The following APOB variants were observed in gnomAD, a reference collection of about 807,000 sequenced individuals.
APOB encodes the protein apolipoprotein B.
Under a neutral mutation model 314.1 loss-of-function variants are expected in APOB, and 153 were observed. The observed-to-expected ratio is 0.49, with a 90% CI of 0.43 to 0.56. The LOEUF is 0.56. APOB is among the 20% of genes least tolerant of loss of function. APOB has a pLI of 0.00. For synonymous variants in APOB, 2,087 were observed against 2,036.4 expected, an observed-to-expected ratio of 1.02 and a Z score of -0.67; for missense variants, 5,430 against 5,350.7, an observed-to-expected ratio of 1.01 and a Z score of -0.46.
Position 21,025,117 on chromosome 2 carries a change from A to G in APOB, c.2252T>C (p.Val751Ala), listed in dbSNP as rs1416453009. Residue 751 changes from valine (V) to alanine (A), a missense_variant, in exon 16 of 29, where the codon GTA becomes GCA. This residue lies in a region of APOB where 2,085 missense variants were observed against 2,079.7 expected (regional missense o/e 1.00). Transcript: ENST00000233242. ...CTCAACACTGAGCATTATTCCATTT[A>G]CCATATCCTGAGAGTTTAGTAATAA... The part of the protein sequence containing the change: ...TKDDKHEQDM[V>A]NGIMLSVEKL... 1 of 1,614,032 alleles carries G rather than the reference A, an allele frequency of 6.2e-7. No individual in the cohort carries two copies. The highest frequency in any genetic ancestry group is 1.7e-5 in the Admixed American group (1 of 60,024).
chr2:21,036,512 G>T (rs945345751), intron 6 of APOB, among the ~76,000 whole-genome samples: 3 of 152,146 alleles, frequency 2.0e-5, no homozygotes, highest in Non-Finnish European at 4.4e-5. Flanking sequence ...GGCAGGCTCA[G>T]GTAATATGGT....
At chr2:21,041,871 T>C (rs1251951015) in intron 3 of APOB, among the ~76,000 whole-genome samples, 2 of 152,212 alleles carry the variant, frequency 1.3e-5, no homozygotes, top group Non-Finnish European at 2.9e-5. Flanking sequence ...GTATGTAACA[T>C]GAGTACAACC....
In APOB at chr2:21,012,289, G is replaced by C; in HGVS notation, c.4579C>G (p.Leu1527Val). The change falls in exon 26 of 29, where the codon CTC becomes GTC. Residue 1527 changes from leucine to valine, a missense_variant. Coordinates refer to ENST00000233242, the MANE Select transcript of APOB (RefSeq NM_000384.3). Reference protein sequence around the residue: ...ESNLRFNSSYLQGTNQITGRY... With the variant: ...ESNLRFNSSYVQGTNQITGRY... ...CCTGTTATCTGGTTGGTGCCTTGGA[G>C]GTAGGAGGAGTTAAACCTCAGGTTG... 1 of 1,614,112 alleles carries C rather than the reference G, an allele frequency of 6.2e-7. No homozygotes were observed. Among genetic ancestry groups the C allele is most frequent in the South Asian group, 1.1e-5 (1 of 91,066 alleles).
rs1662976785 is a variant in APOB, at chr2:21,001,563, C to T, written c.*167G>A. 3.1e-6 allele frequency: 2 copies of T among 638,964 alleles called. No homozygotes were observed. Among genetic ancestry groups the T allele is most frequent in the Admixed American group, 6.5e-5 (2 of 30,626 alleles). The allele number at this position is 638,964 out of a possible 1,614,324, so 39.6% of individuals were successfully genotyped here. ...TCAGAGACCTTCCGAGCCCTGGTGC[C>T]AGCTTTGGTGCAGGTCCAGTTCATA... On this transcript the variant is annotated 3_prime_UTR_variant, in exon 29 of 29. Transcript: ENST00000233242.
intron 22 of APOB, 31 bp downstream of exon 22, chr2:21,015,339 G>A: frequency 3.7e-6 from 6 of 1,613,892 alleles, no homozygotes; most frequent in Non-Finnish European, 5.1e-6. Context: ...CATTACTTTG[G>A]AAGTGCTCAC....
At position 21,002,896 on chromosome 2, in the gene APOB, C is replaced by T; in HGVS notation, c.12526G>A (p.Val4176Ile). Residue 4176 changes from valine (V) to isoleucine (I), a missense_variant, in exon 29 of 29, where the codon GTA (valine) becomes ATA (isoleucine). Transcript: ENST00000233242. ...GLKDNVFDGL[V>I]RVTQEFHMKV... ...ATATGGAATTCTTGAGTAACTCGTACCAAGCCATCAAACACGTTATCCTTG... is the reference window on the plus strand; with the variant it reads ...ATATGGAATTCTTGAGTAACTCGTATCAAGCCATCAAACACGTTATCCTTG... 1.2e-6 allele frequency: 2 copies of T among 1,613,708 alleles called. No individual in the cohort carries two copies. Among genetic ancestry groups the T allele is most frequent in the South Asian group, 1.1e-5 (1 of 91,032 alleles).
In APOB at chr2:21,044,016, G is replaced by A. The variant is rs886055597; in HGVS notation, c.-71C>T. 233 of 829,770 alleles carry A rather than the reference G, an allele frequency of 2.8e-4. 1 individual carries two copies. Among genetic ancestry groups the A allele is most frequent in the Middle Eastern group, 1.3e-3 (3 of 2,268 alleles). The allele number at this position is 829,770 out of a possible 1,614,324, so 51.4% of individuals were successfully genotyped here. On this transcript the variant is annotated 5_prime_UTR_variant, in exon 1 of 29. Transcript: ENST00000233242. ...CCTCGCGGCCCTGGCTGGCTGGGCG[G>A]GCTCCTCAGCGGCAGCAACCGAGAA...
Position 21,027,943 on chromosome 2 carries a change from G to C in APOB, c.1952C>G (p.Ala651Gly). The C allele has an allele frequency of 6.2e-7, 1 of 1,613,956 alleles. No individual in the cohort carries two copies. The highest frequency in any genetic ancestry group is 2.2e-5 in the East Asian group (1 of 44,886). ...AAGATTCCCTTCTATTTTGGCTGAG[G>C]CTGGGTCAAGTGATGGAAGAGAAAC... is the stretch of plus-strand genomic sequence containing the variant. ...KSVSLPSLDPASAKIEGNLIF... is the reference protein window; with the variant it reads ...KSVSLPSLDPGSAKIEGNLIF... The change falls in exon 14 of 29, where the codon GCC (alanine) becomes GGC (glycine). Residue 651 changes from alanine to glycine, a missense_variant. Ala to Gly is a moderately conservative substitution (Grantham distance 60). Coordinates refer to ENST00000233242, the MANE Select transcript of APOB (RefSeq NM_000384.3).
At chr2:21,027,765 G>C (rs1420340070) in intron 14 of APOB, 63 bp downstream of exon 14, 2 of 1,304,138 alleles carry the variant, frequency 1.5e-6, no homozygotes, top group Admixed American at 3.4e-5. Flanking sequence ...CTGGCTCCCA[G>C]GGACTCTCTG....
In APOB at chr2:21,027,849, A is replaced by G; in HGVS notation, c.2046T>C (p.Phe682=). The G allele has an allele frequency of 6.2e-7, 1 of 1,613,962 alleles. No homozygotes were observed. Among genetic ancestry groups the G allele is most frequent in the Non-Finnish European group, 8.5e-7 (1 of 1,179,804 alleles). Residue 682 remains phenylalanine, a synonymous_variant, in exon 14 of 29, where the codon TTT becomes TTC. Transcript: ENST00000233242. ...TTACCTCGATGAGGTCAGCTGAAGC[A>G]AATCCAAAGGCAGTGAGGGTAGTTT... ...MLKTTLTAFG[F]ASADLIEIGL...
In APOB at chr2:21,019,008, A is replaced by G. The variant is rs1033453580; in HGVS notation, c.3105T>C (p.Phe1035=). 2 of 1,614,044 alleles carry G rather than the reference A, an allele frequency of 1.2e-6. No individual in the cohort carries two copies. The highest frequency in any genetic ancestry group is 3.3e-5 in the Admixed American group (2 of 60,014). Residue 1035 remains phenylalanine (F), a synonymous_variant, in exon 20 of 29, where the codon TTT becomes TTC. Transcript: ENST00000233242. ...AATACTCACCTTCTGCTTGAGTTAC[A>G]AACTTCAGGGTATCCACCAAGGCTC... The part of the protein sequence containing the change: ...EDRALVDTLK[F]VTQAEGAKQT...
Position 21,012,238 on chromosome 2 carries a change from G to A in APOB, c.4630C>T (p.Leu1544Phe). 2 of 1,610,896 alleles carry A rather than the reference G, an allele frequency of 1.2e-6. No individual in the cohort carries two copies. The highest frequency in any genetic ancestry group is 1.7e-6 in the Non-Finnish European group (2 of 1,177,504). The change falls in exon 26 of 29, where the codon CTC (leucine) becomes TTC (phenylalanine). Residue 1544 changes from leucine to phenylalanine, a missense_variant. Leu to Phe is a conservative substitution (Grantham distance 22). Around this residue, in one of 3 missense-constraint regions of APOB, gnomAD observed 2,085 missense variants for 2,079.7 expected, o/e 1.00. Transcript: ENST00000233242. Reference protein sequence around the residue: ...TGRYEDGTLSLTSTSDLQSGI... With the variant: ...TGRYEDGTLSFTSTSDLQSGI... ...CTTTGCAGATCAGAGGTGGAGGTGA[G>A]GGAGAGGGTTCCATCTTCATATCTT... is the stretch of plus-strand genomic sequence containing the variant.
chr2:21,014,867 G>T (rs866083271), intron 23 of APOB, among the ~76,000 whole-genome samples: 1 of 152,214 alleles, frequency 6.6e-6, no homozygotes, highest in South Asian at 2.1e-4. Flanking sequence ...CTACTTAGTA[G>T]CATCTCTTTG....
chr2:21,033,627 G>GA, intron 8 of APOB, 109 bp from the exon 9 acceptor site: 2 of 928,522 alleles, frequency 2.2e-6, no homozygotes. Flanking sequence ...AAAAGGGAAA[G>GA]AAACTATCCT....
chr2:21,022,821 A>C lies in APOB; in HGVS notation c.2816+10T>G. Reference sequence around the variant, plus strand: ...CAAACTGGCTAGGCAGACTTGGCTGAAAGAATTACCCTCCACTGAGCAGCT... The same window carrying C: ...CAAACTGGCTAGGCAGACTTGGCTGCAAGAATTACCCTCCACTGAGCAGCT... On this transcript the variant is annotated intron_variant, in intron 18 of 28. Coordinates refer to ENST00000233242, the MANE Select transcript of APOB (RefSeq NM_000384.3). 6.2e-7 allele frequency: 1 copy of C among 1,613,808 alleles called. No homozygotes were observed. Among genetic ancestry groups the C allele is most frequent in the Non-Finnish European group, 8.5e-7 (1 of 1,179,786 alleles).
chr2:21,009,622 C>T lies in APOB; in HGVS notation c.7246G>A (p.Val2416Ile), dbSNP rs1663249230. ...ATCAACATGTCAAGGAATTTGTTAACATCTTCAATGAATGTTTTAAAAGAT... is the reference window on the plus strand; with the variant it reads ...ATCAACATGTCAAGGAATTTGTTAATATCTTCAATGAATGTTTTAAAAGAT... ...ELSFKTFIED[V>I]NKFLDMLIKK... is the part of the protein sequence containing the mutation. Residue 2416 changes from valine to isoleucine, a missense_variant, in exon 26 of 29, where the codon GTT becomes ATT. By Grantham distance (29) the Val-to-Ile change is conservative. Around this residue, in one of 3 missense-constraint regions of APOB, gnomAD observed 3,281 missense variants for 3,171.0 expected, o/e 1.03. Coordinates refer to ENST00000233242, the MANE Select transcript of APOB (RefSeq NM_000384.3). 6.2e-7 allele frequency: 1 copy of T among 1,613,722 alleles called. No individual in the cohort carries two copies. Among genetic ancestry groups the T allele is most frequent in the Non-Finnish European group, 8.5e-7 (1 of 1,179,844 alleles).
chr2:21,036,761 T>C (rs2103383682), intron 6 of APOB, among the ~76,000 whole-genome samples: 1 of 152,290 alleles, frequency 6.6e-6, no homozygotes, highest in South Asian at 2.1e-4. Flanking sequence ...GTGGTTTTGC[T>C]GCCCTACATC....
In APOB at chr2:21,008,155, C is replaced by T. The variant is rs755088443; in HGVS notation, c.8713G>A (p.Asp2905Asn). ...AGTGTCTTGATCTCGTTGCGCAGGT[C>T]AGCCTGACTAGAGAAGTCCAGTTTG... Reference protein sequence around the residue: ...IPKLDFSSQADLRNEIKTLLK... With the variant: ...IPKLDFSSQANLRNEIKTLLK... Residue 2905 changes from aspartate to asparagine, a missense_variant, in exon 26 of 29, where the codon GAC (aspartate) becomes AAC (asparagine). Physicochemically the swap from Asp to Asn is conservative, Grantham distance 23. Around this residue, in one of 3 missense-constraint regions of APOB, gnomAD observed 3,281 missense variants for 3,171.0 expected, o/e 1.03. Transcript: ENST00000233242. The T allele has an allele frequency of 6.2e-7, 1 of 1,613,906 alleles. No homozygotes were observed. Among genetic ancestry groups the T allele is most frequent in the African/African-American group, 1.3e-5 (1 of 74,886 alleles).
chr2:21,010,585 C>A lies in APOB; in HGVS notation c.6283G>T (p.Val2095Leu). 1.2e-6 allele frequency: 2 copies of A among 1,613,812 alleles called. No homozygotes were observed. The highest frequency in any genetic ancestry group is 1.7e-6 in the Non-Finnish European group (2 of 1,179,894). The stretch of plus-strand genomic sequence containing the variant: ...TTGATGTGCTTCAGGTTTCTCTGTA[C>A]GTTTTCCAGTACAACTATAATGGTT... ...RQTIIVVLEN[V>L]QRNLKHINID... The change falls in exon 26 of 29, where the codon GTA becomes TTA. Residue 2095 changes from valine to leucine, a missense_variant. Val to Leu is a conservative substitution (Grantham distance 32). Coordinates refer to ENST00000233242, the MANE Select transcript of APOB (RefSeq NM_000384.3).
Sources: allele counts gnomAD v4.1 joint callset (sites outside exome capture counted in the v4.1 genomes callset), GRCh38; gene constraint gnomAD v4.1.1; regional missense constraint gnomAD v4.1.1; transcripts MANE v1.5; gene names NCBI Gene and HGNC (gene_info 2026-07-23, HGNC 2026-07-21).